Variants in SLC24A2 observed in about 807,000 individuals in gnomAD.
SLC24A2 encodes solute carrier family 24 member 2, also known as sodium/potassium/calcium exchanger 2.
In SLC24A2, 36 loss-of-function variants were observed where a neutral mutation model predicts 62.0. The ratio of observed to expected loss-of-function variants is 0.58; its 90% CI spans 0.44 to 0.77. SLC24A2 has a LOEUF of 0.77. SLC24A2 is among the 30% of genes least tolerant of loss of function. SLC24A2 has a pLI of 0.00. For synonymous variants in SLC24A2, 358 were observed against 294.0 expected (o/e 1.22, Z -2.23); for missense variants, 846 against 817.9 (o/e 1.03, Z -0.42).
the SLC24A2 span, among the ~76,000 whole-genome samples, chr9:20,110,717 AG>A: frequency 6.6e-6 from 1 of 152,190 alleles, no homozygotes; most frequent in Non-Finnish European, 1.5e-5. Flanking sequence ...TTTTAAGGGA[AG>A]GAAAAAAATG....
the SLC24A2 span, among the ~76,000 whole-genome samples, chr9:20,286,396 T>C: frequency 6.6e-6 from 1 of 152,252 alleles, no homozygotes; most frequent in African/African-American, 2.4e-5. Context: ...GCATGGCTTT[T>C]GTTCTTTGCT....
chr9:20,005,375 C>T, the SLC24A2 span, among the ~76,000 whole-genome samples: 1 of 152,112 alleles, frequency 6.6e-6, no homozygotes, highest in Admixed American at 6.6e-5. Flanking sequence ...TGAGGGCTTA[C>T]TCTGTGTCTA....
the SLC24A2 span, among the ~76,000 whole-genome samples, chr9:20,105,723 C>A: frequency 3.3e-5 from 5 of 151,850 alleles, no homozygotes; most frequent in Non-Finnish European, 5.9e-5. Flanking sequence ...ATTTATAGCA[C>A]TAAATGCCCA....
the SLC24A2 span, among the ~76,000 whole-genome samples, chr9:19,831,890 G>GT: frequency 6.6e-6 from 1 of 152,170 alleles, no homozygotes; most frequent in Admixed American, 6.5e-5. Context: ...AAAAATGTTA[G>GT]TAACTCTAGA....
rs903879695 is a variant in SLC24A2, at chr9:19,707,060, A to T, written c.930+78877T>A. Among the ~76,000 whole-genome samples the T allele has an allele frequency of 4.5e-3, 687 of 152,176 alleles. 5 individuals carry two copies. Among genetic ancestry groups the T allele is most frequent in the African/African-American group, 0.016 (646 of 41,482 alleles). On this transcript the variant is annotated intron_variant, in intron 2 of 10. Transcript: ENST00000341998. Reference sequence around the variant, plus strand: ...AAGAATCAAATAGACGCAATAAAAAATGACAAAGGGGATATCACCACCGAT... The same window carrying T: ...AAGAATCAAATAGACGCAATAAAAATTGACAAAGGGGATATCACCACCGAT...
At chr9:20,283,844 C>T in the SLC24A2 span, among the ~76,000 whole-genome samples, 1 of 151,676 alleles carries the variant, frequency 6.6e-6, no homozygotes, top group Non-Finnish European at 1.5e-5. Flanking sequence ...CAATGCTTTT[C>T]TTGCCCTCTG....
At chr9:19,548,681 C>G (rs1182886772) in intron 8 of SLC24A2, among the ~76,000 whole-genome samples, 3 of 152,198 alleles carry the variant, frequency 2.0e-5, no homozygotes. Flanking sequence ...GACGACTGCC[C>G]TGGCTGATGC....
intron 2 of SLC24A2, among the ~76,000 whole-genome samples, chr9:19,732,583 A>G (rs1307853980): frequency 1.3e-5 from 2 of 152,180 alleles, no homozygotes; most frequent in Non-Finnish European, 2.9e-5. Context: ...AACATATGCA[A>G]TGTCTTAATG....
intron 2 of SLC24A2, among the ~76,000 whole-genome samples, chr9:19,708,778 T>C (rs1184143029): frequency 3.9e-5 from 6 of 152,150 alleles, no homozygotes; most frequent in Non-Finnish European, 8.8e-5. Context: ...AAGACTTACA[T>C]GTTAGACCTA....
chr9:19,855,337 G>T, the SLC24A2 span, among the ~76,000 whole-genome samples: 1 of 152,124 alleles, frequency 6.6e-6, no homozygotes, highest in Admixed American at 6.5e-5. Flanking sequence ...TCATCATAAT[G>T]CTAGCTGGTT....
At chr9:19,929,740 G>A in the SLC24A2 span, 1 of 152,662 alleles carries the variant, frequency 6.6e-6, no homozygotes, top group Non-Finnish European at 1.5e-5. Flanking sequence ...CCAGAAGAAG[G>A]CATTGTTATC....
the SLC24A2 span, among the ~76,000 whole-genome samples, chr9:19,940,855 C>T: frequency 7.2e-4 from 109 of 152,320 alleles, no homozygotes; most frequent in African/African-American, 2.1e-3. Context: ...TAAAGCCAAA[C>T]GCCACTGACA....
chr9:20,281,087 G>A, the SLC24A2 span, among the ~76,000 whole-genome samples: 1 of 152,044 alleles, frequency 6.6e-6, no homozygotes, highest in East Asian at 1.9e-4. Context: ...GAGACACCAT[G>A]CCTGGCTGAT....
chr9:19,812,102 CT>C, the SLC24A2 span, among the ~76,000 whole-genome samples: 1 of 152,030 alleles, frequency 6.6e-6, no homozygotes, highest in African/African-American at 2.4e-5. Context: ...TATTGTCTGG[CT>C]TTCAGAAGTT....
the SLC24A2 span, among the ~76,000 whole-genome samples, chr9:20,222,642 G>T: frequency 6.6e-6 from 1 of 152,080 alleles, no homozygotes; most frequent in African/African-American, 2.4e-5. Flanking sequence ...AAAACCAAAC[G>T]AGGTTTATCT....
chr9:19,977,537 C>T, the SLC24A2 span, among the ~76,000 whole-genome samples: 2 of 152,010 alleles, frequency 1.3e-5, no homozygotes, highest in Middle Eastern at 3.2e-3. Flanking sequence ...GGTACAAGTT[C>T]CTTGTATAGA....
chr9:19,728,757 A>G (rs1420355065), intron 2 of SLC24A2, among the ~76,000 whole-genome samples: 1 of 152,210 alleles, frequency 6.6e-6, no homozygotes, highest in African/African-American at 2.4e-5. Flanking sequence ...ATTTTTGTAT[A>G]GCCAGAGACT....
At chr9:20,268,161 T>G in the SLC24A2 span, among the ~76,000 whole-genome samples, 24 of 152,290 alleles carry the variant, frequency 1.6e-4, no homozygotes, top group East Asian at 1.2e-3. Context: ...TGGCTTAGGA[T>G]TCACTCCCTC....
the SLC24A2 span, among the ~76,000 whole-genome samples, chr9:20,139,127 T>G: frequency 1.3e-5 from 2 of 152,100 alleles, no homozygotes; most frequent in African/African-American, 2.4e-5. Flanking sequence ...TCTTTTTGGG[T>G]TTTTTTGCCA....
Sources: gnomAD v4.1 joint callset for allele counts (sites outside exome capture counted in the v4.1 genomes callset) on GRCh38, gnomAD v4.1.1 for gene constraint, MANE v1.5 for transcripts, NCBI Gene and HGNC (gene_info 2026-07-23, HGNC 2026-07-21) for gene names.